The following KIFAP3 variants were observed in gnomAD, a reference collection of about 807,000 sequenced individuals.
KIFAP3 encodes kinesin associated protein 3.
Under a neutral mutation model 106.5 loss-of-function variants are expected in KIFAP3, and 68 were observed. The ratio of observed to expected loss-of-function variants is 0.64; its 90% CI spans 0.53 to 0.78. The LOEUF (loss-of-function observed/expected upper bound fraction) is 0.78, where lower values mean the gene tolerates loss of function less well. Among genes scored for constraint, KIFAP3 ranks in the 30% least tolerant of loss-of-function variants. KIFAP3 has a pLI of 0.00. For synonymous variants in KIFAP3, 320 were observed against 311.5 expected (o/e 1.03, Z -0.29); for missense variants, 780 against 941.8 (o/e 0.83, Z 2.25).
At chr1:170,042,065 G>A (rs1188059463) in intron 3 of KIFAP3, among the ~76,000 whole-genome samples, 1 of 152,180 alleles carries the variant, frequency 6.6e-6, no homozygotes, top group Non-Finnish European at 1.5e-5. Flanking sequence ...GGGTGGAAAG[G>A]GGGGTCTGTT....
Position 170,046,711 on chromosome 1 carries a change from C to A in KIFAP3, c.319+1G>T, listed in dbSNP as rs748874393. ...AGGAAGCCAGGAATTCTACTACTTA[C>A]CTTTTCCTGACAATGAATCACGGCG... On this transcript the variant is annotated splice_donor_variant, in intron 3 of 19. Transcript: ENST00000361580. LOFTEE classifies it high-confidence loss of function. The A allele has an allele frequency of 6.5e-7, 1 of 1,531,452 alleles. No homozygotes were observed. 94.9% of individuals were successfully genotyped at this position (1,531,452 alleles called of 1,614,324 possible).
At chr1:169,964,798 T>C (rs1462906107) in intron 17 of KIFAP3, among the ~76,000 whole-genome samples, 1 of 152,194 alleles carries the variant, frequency 6.6e-6, no homozygotes, top group African/African-American at 2.4e-5. Flanking sequence ...TCAAAGTAAT[T>C]TAGCCTAAAT....
chr1:169,941,605 T>G (rs1322253707), intron 19 of KIFAP3, among the ~76,000 whole-genome samples: 1 of 152,160 alleles, frequency 6.6e-6, no homozygotes, highest in Non-Finnish European at 1.5e-5. Flanking sequence ...TTTTTTGATT[T>G]ATTTTATAAA....
chr1:169,973,856 C>T (rs918616636), intron 16 of KIFAP3, among the ~76,000 whole-genome samples: 3 of 151,376 alleles, frequency 2.0e-5, no homozygotes, highest in Admixed American at 6.6e-5. Flanking sequence ...AAAGTCAGCT[C>T]GAATAGAGAA....
intron 10 of KIFAP3, among the ~76,000 whole-genome samples, chr1:169,998,775 A>G (rs1286984667): frequency 6.6e-6 from 1 of 152,222 alleles, no homozygotes; most frequent in Non-Finnish European, 1.5e-5. Flanking sequence ...TCTCTTCTAA[A>G]TAATTTCAAT....
chr1:170,084,420 A>G (rs1460943758), intron 1 of KIFAP3, among the ~76,000 whole-genome samples: 1 of 152,254 alleles, frequency 6.6e-6, no homozygotes, highest in Non-Finnish European at 1.5e-5. Flanking sequence ...GCTATATCAA[A>G]TACAGTTACT....
intron 1 of KIFAP3, among the ~76,000 whole-genome samples, chr1:170,057,014 C>CT (rs1670886487): frequency 1.3e-5 from 2 of 151,980 alleles, no homozygotes; most frequent in African/African-American, 4.8e-5. Context: ...AACAAAAGAT[C>CT]TAAGGAAAGC....
chr1:170,043,821 G>A (rs1197174006), intron 3 of KIFAP3, among the ~76,000 whole-genome samples: 1 of 152,104 alleles, frequency 6.6e-6, no homozygotes, highest in Admixed American at 6.5e-5. Context: ...TGAATAAAAT[G>A]GAAATTGATG....
At chr1:170,063,306 T>G (rs2102152052) in intron 1 of KIFAP3, among the ~76,000 whole-genome samples, 1 of 152,346 alleles carries the variant, frequency 6.6e-6, no homozygotes, top group Admixed American at 6.5e-5. Context: ...TTCAGACTTT[T>G]GTATTCTGGA....
chr1:170,027,396 C>T (rs990716097), intron 8 of KIFAP3, among the ~76,000 whole-genome samples: 1 of 152,050 alleles, frequency 6.6e-6, no homozygotes, highest in Admixed American at 6.6e-5. Flanking sequence ...GAAAAATGAA[C>T]CAATTGCAAC....
chr1:170,002,821 C>T (rs1667733258), intron 10 of KIFAP3, among the ~76,000 whole-genome samples: 1 of 152,132 alleles, frequency 6.6e-6, no homozygotes, highest in Non-Finnish European at 1.5e-5. Context: ...AAAAGCTTAG[C>T]AACATCTATT....
Position 170,071,527 on chromosome 1 carries a change from G to A in KIFAP3, c.32+2909C>T, listed in dbSNP as rs376621763. Among the ~76,000 whole-genome samples, 4 of 152,278 alleles carry A rather than the reference G, an allele frequency of 2.6e-5. No individual in the cohort carries two copies. In the East Asian group the frequency reaches 7.7e-4, roughly 29 times the overall value. The stretch of plus-strand genomic sequence containing the variant: ...GGCATGACTCTGGCTTCCAGTGAGG[G>A]CTTTTGTGCTTCATTATAACACAGT... On this transcript the variant is annotated intron_variant, in intron 1 of 19. Transcript: ENST00000361580.
In KIFAP3 at chr1:170,041,926, T is replaced by A. The variant is rs1670002253; in HGVS notation, c.320-2638A>T. 2.4e-6 allele frequency: 3 copies of A among 1,246,180 alleles called. No homozygotes were observed. The East Asian group carries it at 8.1e-5, about 34-fold the overall frequency. The allele number at this position is 1,246,180 out of a possible 1,614,324, so 77.2% of individuals were successfully genotyped here. A position where few individuals can be genotyped will look rare whatever the true frequency, so the allele number is the denominator to read the frequency against. ...ATTTGGGGGAAGTACTCCTGGGCGATTTCGTTTCAGTTATGAAACCTGGTT... is the reference window on the plus strand; with the variant it reads ...ATTTGGGGGAAGTACTCCTGGGCGAATTCGTTTCAGTTATGAAACCTGGTT... On this transcript the variant is annotated intron_variant, in intron 3 of 19. Coordinates refer to ENST00000361580, the MANE Select transcript of KIFAP3 (RefSeq NM_014970.4).
chr1:169,926,600 G>T (rs1455835957), intron 19 of KIFAP3, among the ~76,000 whole-genome samples: 1 of 151,668 alleles, frequency 6.6e-6, no homozygotes, highest in East Asian at 1.9e-4. Context: ...ATATAACATT[G>T]AGTTATATAT....
intron 7 of KIFAP3, among the ~76,000 whole-genome samples, 176 bp downstream of exon 7, chr1:170,034,196 G>A (rs1341400004): frequency 1.3e-5 from 2 of 151,720 alleles, no homozygotes; most frequent in African/African-American, 2.4e-5. Flanking sequence ...ATATCAAACT[G>A]TATTCATTTT....
At chr1:169,951,600 A>T (rs1664734454) in intron 19 of KIFAP3, among the ~76,000 whole-genome samples, 1 of 151,936 alleles carries the variant, frequency 6.6e-6, no homozygotes, top group Non-Finnish European at 1.5e-5. Flanking sequence ...TGTGGAATAC[A>T]TTTATCTCTC....
rs1381151607 is a variant in KIFAP3 at position 170,055,316 on chromosome 1, T to A, written c.153A>T (p.Glu51Asp). ...MGDPMLGERK[E>D]CQKIIRLKSL... ...AATAAAGAACTTACATTTTTTGACA[T>A]TCTTTTCGTTCTCCCAACATGGGGT... Residue 51 changes from glutamate to aspartate, a missense_variant, in exon 2 of 20, where the codon GAA (glutamate) becomes GAT (aspartate). Glu to Asp is a conservative substitution (Grantham distance 45, BLOSUM62 2). Transcript: ENST00000361580. The A allele has an allele frequency of 6.3e-7, 1 of 1,599,138 alleles. No homozygotes were observed. The highest frequency in any genetic ancestry group is 2.2e-5 in the East Asian group (1 of 44,654).
At chr1:169,941,521 A>AT (rs1664114620) in intron 19 of KIFAP3, among the ~76,000 whole-genome samples, 1 of 88,468 alleles carries the variant, frequency 1.1e-5, no homozygotes, top group South Asian at 4.8e-4. Flanking sequence ...GATGAGAATA[A>AT]TTTTTTCTGT....
chr1:169,954,952 C>T (rs1322334539), intron 18 of KIFAP3, among the ~76,000 whole-genome samples: 1 of 151,936 alleles, frequency 6.6e-6, no homozygotes, highest in Non-Finnish European at 1.5e-5. Flanking sequence ...ATCTAGATAA[C>T]CTATTTTTGA....
Sources: allele counts gnomAD v4.1 joint callset (sites outside exome capture counted in the v4.1 genomes callset), GRCh38; gene constraint gnomAD v4.1.1; transcripts MANE v1.5; gene names NCBI Gene and HGNC (gene_info 2026-07-23, HGNC 2026-07-21).